SAMSN1: variants seen among roughly 807,000 people sequenced by gnomAD.
SAMSN1 encodes the protein SAM domain-containing protein SAMSN-1.
Under a neutral mutation model 42.0 loss-of-function variants are expected in SAMSN1, and 31 were observed. That is an observed-to-expected ratio of 0.74 (90% CI 0.55 to 1.00). The LOEUF (loss-of-function observed/expected upper bound fraction) is 1.00, where lower values mean the gene tolerates loss of function less well. SAMSN1 is among the 50% of genes least tolerant of loss of function. The pLI, the probability that SAMSN1 is intolerant of heterozygous loss-of-function variation, is 0.00. For missense variants in SAMSN1, 464 were observed against 439.4 expected (o/e 1.06, Z -0.50); for synonymous variants, 178 against 151.9 (o/e 1.17, Z -1.26).
chr21:14,584,442 ACT>A (rs1230447296), upstream of SAMSN1, among the ~76,000 whole-genome samples: 2 of 151,930 alleles, frequency 1.3e-5, no homozygotes, highest in African/African-American at 2.4e-5. Flanking sequence ...TGCATTAATG[ACT>A]CTTGTTTTCT....
upstream of SAMSN1, among the ~76,000 whole-genome samples, chr21:14,586,036 G>T (rs1191305159): frequency 6.6e-6 from 1 of 151,880 alleles, no homozygotes; most frequent in African/African-American, 2.4e-5. Flanking sequence ...AGGCTGAGGT[G>T]GGCGGATCAT....
At chr21:14,535,491 A>G (rs1979546586) in intron 1 of SAMSN1, among the ~76,000 whole-genome samples, 1 of 152,184 alleles carries the variant, frequency 6.6e-6, no homozygotes, top group Admixed American at 6.6e-5. Flanking sequence ...CTCACTTCCA[A>G]TTAGTACAAG....
chr21:14,582,351 T>G, exon 2 of SAMSN1: 1 of 1,550,162 alleles, frequency 6.5e-7, no homozygotes, highest in Non-Finnish European at 8.7e-7. Context: ...TTTAAAGTGC[T>G]GGATCTACCC....
intron 2 of SAMSN1, among the ~76,000 whole-genome samples, chr21:14,576,167 C>T (rs978128805): frequency 2.0e-5 from 3 of 151,900 alleles, no homozygotes; most frequent in Admixed American, 1.3e-4. Flanking sequence ...GTGGGGGAGG[C>T]GTTTAAAGGT....
At chr21:14,610,744 G>A (rs200736238) in intron 4 of SAMSN1, among the ~76,000 whole-genome samples, 126 of 152,214 alleles carry the variant, frequency 8.3e-4, no homozygotes, top group Non-Finnish European at 1.4e-3. Context: ...TATCGGTGGC[G>A]GGTTCCCCCA....
At chr21:14,567,158 A>C (rs1026104185) in intron 2 of SAMSN1, among the ~76,000 whole-genome samples, 1 of 152,130 alleles carries the variant, frequency 6.6e-6, no homozygotes, top group Non-Finnish European at 1.5e-5. Context: ...CCATCCACTA[A>C]AACATCTGTA....
At chr21:14,627,717 A>T (rs1983220767) in intron 2 of SAMSN1, among the ~76,000 whole-genome samples, 1 of 152,184 alleles carries the variant, frequency 6.6e-6, no homozygotes, top group African/African-American at 2.4e-5. Flanking sequence ...ACTAAATTGA[A>T]CTAAAATTTT....
chr21:14,613,834 T>C (rs1568830969), intron 3 of SAMSN1, among the ~76,000 whole-genome samples: 1 of 152,008 alleles, frequency 6.6e-6, no homozygotes. Context: ...TTGAACCTTT[T>C]CATACTTTAT....
chr21:14,490,372 C>T (rs902200153), intron 7 of SAMSN1, among the ~76,000 whole-genome samples: 7 of 152,162 alleles, frequency 4.6e-5, no homozygotes, highest in Admixed American at 4.6e-4. Flanking sequence ...GGGCCATCTC[C>T]AAAGTGGCAA....
intron 2 of SAMSN1, among the ~76,000 whole-genome samples, chr21:14,560,330 T>C (rs1980905050): frequency 6.6e-6 from 1 of 152,190 alleles, no homozygotes; most frequent in African/African-American, 2.4e-5. Flanking sequence ...TGCAAGATTA[T>C]GGCAGCAAGA....
chr21:14,597,591 T>A (rs1244698263), intron 6 of SAMSN1, among the ~76,000 whole-genome samples: 1 of 152,134 alleles, frequency 6.6e-6, no homozygotes, highest in Non-Finnish European at 1.5e-5. Context: ...TTAGCAAAAG[T>A]GATTGTTTTA....
intron 6 of SAMSN1, among the ~76,000 whole-genome samples, chr21:14,595,886 G>A (rs1345555574): frequency 6.6e-6 from 1 of 152,220 alleles, no homozygotes; most frequent in South Asian, 2.1e-4. Context: ...GTATATAAGA[G>A]TGCATTTACT....
chr21:14,489,478 G>C (rs1986586259), intron 7 of SAMSN1, among the ~76,000 whole-genome samples: 1 of 152,024 alleles, frequency 6.6e-6, no homozygotes. Flanking sequence ...TGTTTTTAAT[G>C]AAAGAATTAA....
At chr21:14,644,662 T>C (rs777003365) in intron 1 of SAMSN1, among the ~76,000 whole-genome samples, 14 of 152,112 alleles carry the variant, frequency 9.2e-5, no homozygotes, top group Non-Finnish European at 1.3e-4. Flanking sequence ...GGGGACTTTA[T>C]CTTGCACTTT....
At chr21:14,615,863 CAAAAAAAA>C (rs34255188) in intron 3 of SAMSN1, 76 of 116,426 alleles carry the variant, frequency 6.5e-4, no homozygotes, top group South Asian at 1.9e-3. Context: ...ATGACAGCTG[CAAAAAAAA>C]AAAAAAAAAA....
upstream of SAMSN1, among the ~76,000 whole-genome samples, chr21:14,586,280 A>AG (rs1378096601): frequency 4.8e-4 from 64 of 134,166 alleles, no homozygotes; most frequent in East Asian, 3.7e-3. Flanking sequence ...AAAAAAAAAG[A>AG]AAAAGAAAAA....
At chr21:14,594,620 T>C (rs1982201729) in intron 6 of SAMSN1, 1 of 152,220 alleles carries the variant, frequency 6.6e-6, no homozygotes, top group Non-Finnish European at 1.5e-5. Context: ...TACCTGTCAG[T>C]GTAACCTTCT....
intron 5 of SAMSN1, among the ~76,000 whole-genome samples, chr21:14,607,722 A>G (rs1982602430): frequency 6.6e-6 from 1 of 152,212 alleles, no homozygotes; most frequent in Admixed American, 6.5e-5. Flanking sequence ...TTCCGTGCCT[A>G]TTATTCCCAA....
intron 1 of SAMSN1, among the ~76,000 whole-genome samples, chr21:14,646,046 G>A (rs1424612034): frequency 6.6e-6 from 1 of 152,130 alleles, no homozygotes; most frequent in Non-Finnish European, 1.5e-5. Context: ...GCAAATCTAA[G>A]AGTTATTGGC....
Sources: allele counts gnomAD v4.1 joint callset (sites outside exome capture counted in the v4.1 genomes callset), GRCh38; gene constraint gnomAD v4.1.1; transcripts MANE v1.5; gene names NCBI Gene and HGNC (gene_info 2026-07-23, HGNC 2026-07-21).